Variants in ATXN10 observed in about 807,000 individuals in gnomAD.
The protein encoded by ATXN10 is ataxin 10.
A neutral mutation model predicts 52.9 loss-of-function variants in ATXN10; 28 were observed. The observed-to-expected ratio is 0.53, with a 90% CI of 0.39 to 0.73. The LOEUF (loss-of-function observed/expected upper bound fraction) is 0.73, where lower values mean the gene tolerates loss of function less well. Ranked by LOEUF, ATXN10 falls within the 30% of genes least tolerant of loss-of-function variation. ATXN10 has a pLI of 0.00. For synonymous variants in ATXN10, 226 were observed against 221.5 expected (o/e 1.02, Z -0.18); for missense variants, 565 against 577.0 (o/e 0.98, Z 0.21).
intron 6 of ATXN10, among the ~76,000 whole-genome samples, chr22:45,724,649 T>C (rs569558275): frequency 6.6e-6 from 1 of 152,380 alleles, no homozygotes; most frequent in South Asian, 2.1e-4. Flanking sequence ...TTTCTTCCGC[T>C]GTGCAGATGC....
At chr22:45,782,145 AC>A (rs1403928169) in intron 9 of ATXN10, among the ~76,000 whole-genome samples, 1 of 152,184 alleles carries the variant, frequency 6.6e-6, no homozygotes, top group Non-Finnish European at 1.5e-5. Context: ...GATCCTATTA[AC>A]CCATCATTCC....
intron 10 of ATXN10, among the ~76,000 whole-genome samples, chr22:45,822,124 C>T (rs1232462627): frequency 6.6e-6 from 1 of 152,196 alleles, no homozygotes; most frequent in East Asian, 1.9e-4. Context: ...AAAATCATGA[C>T]TCTGAGATTC....
At position 45,784,440 on chromosome 22, in the gene ATXN10, T is replaced by C. The variant is rs9626444; in HGVS notation, c.1174-22519T>C. Among the ~76,000 whole-genome samples the C allele has an allele frequency of 0.11, 17,316 of 152,248 alleles. 1,053 individuals carry two copies. Among genetic ancestry groups the C allele is most frequent in the Middle Eastern group, 0.16 (48 of 294 alleles). ...CAGAGCTAACACAGCTTCTAAGACATATGATCTTGATTCGTAAGACATAGT... is the reference window on the plus strand; with the variant it reads ...CAGAGCTAACACAGCTTCTAAGACACATGATCTTGATTCGTAAGACATAGT... On this transcript the variant is annotated intron_variant, in intron 9 of 11. Coordinates refer to ENST00000252934, the MANE Select transcript of ATXN10 (RefSeq NM_013236.4). This position sits in a 1 kb window ranked among gnomAD's most constrained non-coding sequence, Gnocchi z 4.2.
chr22:45,749,139 A>G (rs62225970), intron 9 of ATXN10, among the ~76,000 whole-genome samples: 5,070 of 152,244 alleles, frequency 0.033, 124 homozygotes, highest in Non-Finnish European at 0.047. Context: ...CCTGTGCTTC[A>G]TCGTGGAATT....
intron 9 of ATXN10, among the ~76,000 whole-genome samples, chr22:45,752,916 T>C (rs1008256741): frequency 6.6e-6 from 1 of 152,012 alleles, no homozygotes; most frequent in African/African-American, 2.4e-5. Context: ...GTATTTTTAG[T>C]AGAGGTGGGG....
chr22:45,841,954 G>A lies in ATXN10; in HGVS notation c.1238-1037G>A, dbSNP rs1929358233. Among the ~76,000 whole-genome samples the A allele has an allele frequency of 1.3e-5, 2 of 152,182 alleles. No individual in the cohort carries two copies. Among genetic ancestry groups the A allele is most frequent in the African/African-American group, 4.8e-5 (2 of 41,440 alleles). On this transcript the variant is annotated intron_variant, in intron 10 of 11. Transcript: ENST00000252934. The surrounding 1 kb of genome is among the most constrained non-coding windows in gnomAD (Gnocchi z 5.1). ...CCTGGTTCTGGCATTGGCAGTGCCCGAGTGGGAAGCATCTGATAATCATCA... is the reference window on the plus strand; with the variant it reads ...CCTGGTTCTGGCATTGGCAGTGCCCAAGTGGGAAGCATCTGATAATCATCA...
Position 45,784,626 on chromosome 22 carries a change from C to T in ATXN10, c.1174-22333C>T, listed in dbSNP as rs1045935382. ...ACAGGAGGCTGGCTTCCTGTGGGCT[C>T]GCCTGTCGACCCCCTCCCTGTGCCC... On this transcript the variant is annotated intron_variant, in intron 9 of 11. Transcript: ENST00000252934. The surrounding 1 kb of genome is among the most constrained non-coding windows in gnomAD (Gnocchi z 4.2). Among the ~76,000 whole-genome samples the T allele has an allele frequency of 3.6e-4, 54 of 152,026 alleles. No individual in the cohort carries two copies. Among genetic ancestry groups the T allele is most frequent in the Non-Finnish European group, 7.4e-4 (50 of 68,008 alleles).
At position 45,729,519 on chromosome 22, in the gene ATXN10, A is replaced by T. The variant is rs753866615; in HGVS notation, c.823A>T (p.Ile275Phe). ...IPVFLRHAEL[I>F]ASTFVDQCKT... ...TGTGTTTTTGCGGCATGCTGAGTTG[A>T]TTGCAAGCACCTTTGTGGATCAGTG... is the stretch of plus-strand genomic sequence containing the variant. The change falls in exon 7 of 12, where the codon ATT (isoleucine) becomes TTT (phenylalanine). Residue 275 changes from isoleucine to phenylalanine, a missense_variant. By Grantham distance (21) the Ile-to-Phe change is conservative (BLOSUM62 0). Transcript: ENST00000252934. 9 of 1,614,160 alleles carry T rather than the reference A, an allele frequency of 5.6e-6. No individual in the cohort carries two copies. The South Asian group carries it at 9.9e-5, about 18-fold the overall frequency.
In ATXN10 at chr22:45,753,242, T is replaced by C. The variant is rs190436750; in HGVS notation, c.1173+12704T>C. Among the ~76,000 whole-genome samples, 528 of 150,236 alleles carry C rather than the reference T, an allele frequency of 3.5e-3. 2 individuals are homozygous for C. Among genetic ancestry groups the C allele is most frequent in the African/African-American group, 0.012 (512 of 41,078 alleles). ...TGATTTTTTTTTTCTGTCTTTTAAC[T>C]TGATCTCATCTTCTTAGGAGAAACC... is the stretch of plus-strand genomic sequence containing the variant. On this transcript the variant is annotated intron_variant, in intron 9 of 11. Coordinates refer to ENST00000252934, the MANE Select transcript of ATXN10 (RefSeq NM_013236.4).
At chr22:45,714,344 T>C (rs182562786) in intron 5 of ATXN10, among the ~76,000 whole-genome samples, 1 of 152,090 alleles carries the variant, frequency 6.6e-6, no homozygotes, top group East Asian at 1.9e-4. Context: ...ATAAAATACA[T>C]GTATTTTTCT....
At chr22:45,758,015 A>G (rs940526764) in intron 9 of ATXN10, among the ~76,000 whole-genome samples, 1 of 152,272 alleles carries the variant, frequency 6.6e-6, no homozygotes, top group Admixed American at 6.5e-5. Flanking sequence ...TGATGCTTCC[A>G]AAGTATATGG....
chr22:45,751,740 G>GGAAAAAAA (rs1555892667), intron 9 of ATXN10, among the ~76,000 whole-genome samples: 2 of 45,476 alleles, frequency 4.4e-5, no homozygotes, highest in Non-Finnish European at 7.4e-5. Flanking sequence ...CCTTTTTCTG[G>GGAAAAAAA]AAAAAAAAAA....
chr22:45,698,887 A>G (rs1331644650), intron 3 of ATXN10, among the ~76,000 whole-genome samples: 1 of 152,222 alleles, frequency 6.6e-6, no homozygotes. Context: ...TCTGGTTCCT[A>G]ACAAAGCGCC....
chr22:45,809,644 C>A (rs922327522), intron 10 of ATXN10, among the ~76,000 whole-genome samples: 20 of 152,124 alleles, frequency 1.3e-4, no homozygotes, highest in African/African-American at 7.2e-5. Flanking sequence ...TCCCTGTTGC[C>A]CACGCTGTAA....
In ATXN10 at chr22:45,826,165, A is replaced by G. The variant is rs1928809067; in HGVS notation, c.1238-16826A>G. 6.6e-6 allele frequency among the ~76,000 whole-genome samples: 1 copy of G among 152,248 alleles called. No individual in the cohort carries two copies. Among genetic ancestry groups the G allele is most frequent in the Non-Finnish European group, 1.5e-5 (1 of 68,050 alleles). On this transcript the variant is annotated intron_variant, in intron 10 of 11. Coordinates refer to ENST00000252934, the MANE Select transcript of ATXN10 (RefSeq NM_013236.4). The surrounding 1 kb of genome is among the most constrained non-coding windows in gnomAD (Gnocchi z 5.0). ...AAAGAGAAATTCTGGAGCTGAAAGT[A>G]CAATACCTGAAATAAATTTACTAGA...
chr22:45,709,330 T>C (rs1439383337), intron 5 of ATXN10, among the ~76,000 whole-genome samples: 1 of 152,218 alleles, frequency 6.6e-6, no homozygotes, highest in East Asian at 1.9e-4. Context: ...AGCATTATTT[T>C]AGTCATGATT....
At chr22:45,748,225 A>G (rs762947324) in intron 9 of ATXN10, among the ~76,000 whole-genome samples, 11 of 152,068 alleles carry the variant, frequency 7.2e-5, no homozygotes, top group African/African-American at 2.2e-4. Flanking sequence ...GTCTCTAACT[A>G]TAATACTTCC....
At chr22:45,734,869 A>C (rs979865925) in intron 7 of ATXN10, among the ~76,000 whole-genome samples, 1 of 142,360 alleles carries the variant, frequency 7.0e-6, no homozygotes, top group Non-Finnish European at 1.5e-5. Flanking sequence ...GAAATGGGTT[A>C]TATTATTATT....
chr22:45,690,016 T>A lies in ATXN10; in HGVS notation c.308+113T>A. Reference sequence around the variant, plus strand: ...GGCTGGGTAAGGTGGCTCATGCCTGTAATCCCAGCATTTTGGGAGGCTGAG... The same window carrying A: ...GGCTGGGTAAGGTGGCTCATGCCTGAAATCCCAGCATTTTGGGAGGCTGAG... On this transcript the variant is annotated intron_variant, in intron 2 of 11. Transcript: ENST00000252934. The surrounding 1 kb of genome is among the most constrained non-coding windows in gnomAD (Gnocchi z 4.5). The A allele has an allele frequency of 1.8e-6, 2 of 1,088,124 alleles. No homozygotes were observed. Among genetic ancestry groups the A allele is most frequent in the Non-Finnish European group, 2.7e-6 (2 of 730,668 alleles). 67.4% of individuals were successfully genotyped at this position (1,088,124 alleles called of 1,614,324 possible).
Sources: gnomAD v4.1 joint callset for allele counts (sites outside exome capture counted in the v4.1 genomes callset) on GRCh38, gnomAD v4.1.1 for gene constraint, Gnocchi (gnomAD v3.1) non-coding constraint, MANE v1.5 for transcripts, NCBI Gene and HGNC (gene_info 2026-07-23, HGNC 2026-07-21) for gene names.